UBE2B: variants seen among roughly 807,000 people sequenced by gnomAD.
UBE2B encodes ubiquitin conjugating enzyme E2 B.
In UBE2B, 11 loss-of-function variants were observed where a neutral mutation model predicts 24.6. The ratio of observed to expected loss-of-function variants is 0.45; its 90% CI spans 0.28 to 0.74. UBE2B has a LOEUF of 0.74. UBE2B is among the 30% of genes least tolerant of loss of function. The pLI is 0.13. For synonymous variants in UBE2B, 68 were observed against 62.4 expected (o/e 1.09, Z -0.42); for missense variants, 78 against 185.6 (o/e 0.42, Z 3.37).
intron 3 of UBE2B, among the ~76,000 whole-genome samples, chr5:134,378,109 G>A (rs1354942592): frequency 6.6e-6 from 1 of 152,142 alleles, no homozygotes; most frequent in Admixed American, 6.5e-5. Flanking sequence ...GGTCAAGGCT[G>A]CAGTGAGCCC....
intron 3 of UBE2B, among the ~76,000 whole-genome samples, chr5:134,377,612 G>GT (rs1376921668): frequency 3.9e-5 from 6 of 151,940 alleles, no homozygotes; most frequent in South Asian, 2.1e-4. Flanking sequence ...GTGATTATCT[G>GT]TGGGGGGGGT....
intron 1 of UBE2B, among the ~76,000 whole-genome samples, chr5:134,373,360 TAC>T (rs1758529797): frequency 6.6e-6 from 1 of 152,068 alleles, no homozygotes; most frequent in Admixed American, 6.5e-5. Context: ...CTGGTTAGGA[TAC>T]ACAGTCTTTG....
chr5:134,372,734 C>A (rs1758498488), intron 1 of UBE2B, among the ~76,000 whole-genome samples: 1 of 152,090 alleles, frequency 6.6e-6, no homozygotes, highest in Admixed American at 6.6e-5. Flanking sequence ...GGCTTCTGTT[C>A]GTGGTGGCCT....
intron 4 of UBE2B, 110 bp downstream of exon 4, chr5:134,380,918 G>A: frequency 1.8e-6 from 1 of 552,936 alleles, no homozygotes; most frequent in Non-Finnish European, 3.3e-6. Context: ...TGTAGGTGTT[G>A]CTTCCATGTC....
Position 134,391,374 on chromosome 5 carries a change from A to AT in UBE2B, c.*1031dup, listed in dbSNP as rs558741753. On this transcript the variant is annotated 3_prime_UTR_variant, in exon 6 of 6. Transcript: ENST00000265339. The stretch of plus-strand genomic sequence containing the variant: ...TGCTGAGTTGCTTCTTCTTGTGGAG[A>AT]TTTTTTTTTTAATCTCCTGAGTTGT... 14 of 150,138 alleles carry AT rather than the reference A, an allele frequency of 9.3e-5. No homozygotes were observed. In the South Asian group the frequency reaches 1.3e-3, roughly 14 times the overall value. The allele number at this position is 150,138 out of a possible 1,614,324, so 9.3% of individuals were successfully genotyped here.
In UBE2B at chr5:134,380,835, G is replaced by T. The variant is rs188701547; in HGVS notation, c.241+27G>T. The T allele has an allele frequency of 7.1e-5, 104 of 1,468,328 alleles. 1 individual carries two copies. In the East Asian group the frequency reaches 2.3e-3, roughly 33 times the overall value. The allele number at this position is 1,468,328 out of a possible 1,614,324, so 91.0% of individuals were successfully genotyped here. On this transcript the variant is annotated intron_variant, in intron 4 of 5. Transcript: ENST00000265339. ...TAAGTAGCATTTTATAGATTTTGCAGATGATAGTGGGGAAAAGAGTTGTTT... is the reference window on the plus strand; with the variant it reads ...TAAGTAGCATTTTATAGATTTTGCATATGATAGTGGGGAAAAGAGTTGTTT...
At chr5:134,377,380 TA>T (rs1411865890) in intron 3 of UBE2B, among the ~76,000 whole-genome samples, 1 of 152,202 alleles carries the variant, frequency 6.6e-6, no homozygotes, top group Non-Finnish European at 1.5e-5. Flanking sequence ...CAGCAGTTTG[TA>T]AGGACGTAAC....
intron 5 of UBE2B, among the ~76,000 whole-genome samples, chr5:134,389,672 C>T (rs372042751): frequency 1.3e-5 from 2 of 151,908 alleles, no homozygotes; most frequent in Non-Finnish European, 2.9e-5. Context: ...CCTCAGCCTT[C>T]CGAGTAGCGG....
At chr5:134,376,351 ATAT>A (rs1758609007) in intron 2 of UBE2B, among the ~76,000 whole-genome samples, 1 of 75,360 alleles carries the variant, frequency 1.3e-5, no homozygotes, top group Non-Finnish European at 2.6e-5. Flanking sequence ...AAAAAAAAAT[ATAT>A]ATATATATAT....
intron 2 of UBE2B, 159 bp downstream of exon 2, chr5:134,374,622 T>G: frequency 2.4e-6 from 2 of 845,670 alleles, no homozygotes; most frequent in Non-Finnish European, 3.7e-6. Flanking sequence ...CAATTAGAGT[T>G]TTGGCCCAGC....
chr5:134,388,473 C>G (rs1197272333), intron 5 of UBE2B, 60 bp downstream of exon 5: 1 of 1,481,246 alleles, frequency 6.8e-7, no homozygotes, highest in Non-Finnish European at 9.4e-7. Context: ...TAGTCAGCTC[C>G]TTAGCACACA....
At chr5:134,378,264 TTTTG>T (rs1554114287) in intron 3 of UBE2B, among the ~76,000 whole-genome samples, 1 of 152,182 alleles carries the variant, frequency 6.6e-6, no homozygotes, top group South Asian at 2.1e-4. Context: ...TGTGGGTTTT[TTTTG>T]TTTGTTTTTT....
At position 134,390,733 on chromosome 5, in the gene UBE2B, T is replaced by C. The variant is rs1175016657; in HGVS notation, c.*380T>C. 1 of 256,402 alleles carries C rather than the reference T, an allele frequency of 3.9e-6. No homozygotes were observed. Among genetic ancestry groups the C allele is most frequent in the Non-Finnish European group, 7.6e-6 (1 of 130,884 alleles). 15.9% of individuals were successfully genotyped at this position (256,402 alleles called of 1,614,324 possible). On this transcript the variant is annotated 3_prime_UTR_variant, in exon 6 of 6. Coordinates refer to ENST00000265339, the MANE Select transcript of UBE2B (RefSeq NM_003337.4). This position sits in a 1 kb window ranked among gnomAD's most constrained non-coding sequence, Gnocchi z 4.6. The stretch of plus-strand genomic sequence containing the variant: ...AGAAAAGCACTTAAAGTTTTTTATA[T>C]ATGAATATTACATGTAAAGCTGTTA...
intron 2 of UBE2B, 26 bp downstream of exon 2, chr5:134,374,489 T>C: frequency 6.5e-7 from 1 of 1,549,194 alleles, no homozygotes; most frequent in Non-Finnish European, 8.7e-7. Flanking sequence ...TAACAAATAA[T>C]AGGTGTGTGC....
At position 134,383,473 on chromosome 5, in the gene UBE2B, C is replaced by CTTTT. The variant is rs747399191; in HGVS notation, c.241+2689_241+2692dup. ...TGCAGATGTGTGCCACCATACCCAG[C>CTTTT]TTTTTTTTTTTTTTTTTTTTTTTTT... On this transcript the variant is annotated intron_variant, in intron 4 of 5. Transcript: ENST00000265339. Among the ~76,000 whole-genome samples the CTTTT allele has an allele frequency of 5.7e-4, 46 of 80,036 alleles. 9 individuals carry two copies. Among genetic ancestry groups the CTTTT allele is most frequent in the African/African-American group, 2.1e-3 (38 of 18,436 alleles). 52.5% of individuals were successfully genotyped at this position (80,036 alleles called of 152,430 possible).
Position 134,390,015 on chromosome 5 carries a change from T to C in UBE2B, c.331-210T>C. 1.8e-6 allele frequency: 1 copy of C among 558,448 alleles called. No homozygotes were observed. The highest frequency in any genetic ancestry group is 3.1e-6 in the Non-Finnish European group (1 of 319,638). The allele number at this position is 558,448 out of a possible 1,614,324, so 34.6% of individuals were successfully genotyped here. On this transcript the variant is annotated intron_variant, in intron 5 of 5. Transcript: ENST00000265339. The surrounding 1 kb of genome is among the most constrained non-coding windows in gnomAD (Gnocchi z 4.6). ...GGTCTTAAGGCAATTGAGAACTTTA[T>C]TTCAGAAGCTTAAGTTCCTTAGCAG...
chr5:134,375,845 G>C (rs1758592051), intron 2 of UBE2B, among the ~76,000 whole-genome samples: 1 of 149,668 alleles, frequency 6.7e-6, no homozygotes, highest in Non-Finnish European at 1.5e-5. Context: ...TGCTGCTTAG[G>C]AAAGATGAAA....
chr5:134,388,407 A>G lies in UBE2B; in HGVS notation c.324A>G (p.Ser108=). The change falls in exon 5 of 6, where the codon TCA becomes TCG. Residue 108 remains serine (S), a synonymous_variant. Coordinates refer to ENST00000265339, the MANE Select transcript of UBE2B (RefSeq NM_003337.4). ...PTYDVSSILT[S]IQSLLDEPNP... is the part of the protein sequence containing the mutation. Reference sequence around the variant, plus strand: ...ATGATGTATCTTCTATCTTAACATCAATTCAGGTAAGTGTGTGTTAGGATG... The same window carrying G: ...ATGATGTATCTTCTATCTTAACATCGATTCAGGTAAGTGTGTGTTAGGATG... The G allele has an allele frequency of 6.2e-7, 1 of 1,613,410 alleles. No homozygotes were observed. Among genetic ancestry groups the G allele is most frequent in the Admixed American group, 1.7e-5 (1 of 60,020 alleles).
At chr5:134,382,968 C>T (rs1394184554) in intron 4 of UBE2B, among the ~76,000 whole-genome samples, 2 of 151,882 alleles carry the variant, frequency 1.3e-5, no homozygotes, top group Admixed American at 6.6e-5. Context: ...AGATCAAGAC[C>T]ATCCTGGTCA....
Sources: gnomAD v4.1 joint callset for allele counts (sites outside exome capture counted in the v4.1 genomes callset) on GRCh38, gnomAD v4.1.1 for gene constraint, Gnocchi (gnomAD v3.1) non-coding constraint, MANE v1.5 for transcripts, NCBI Gene and HGNC (gene_info 2026-07-23, HGNC 2026-07-21) for gene names.